NR2F1-AS1: variants seen among roughly 807,000 people sequenced by gnomAD.
The protein encoded by NR2F1-AS1 is NR2F1 regulatory antisense RNA 1.
At chr5:93,420,293 A>T (rs557303661) in intron 4 of NR2F1-AS1, among the ~76,000 whole-genome samples, 1 of 152,326 alleles carries the variant, frequency 6.6e-6, no homozygotes, top group East Asian at 1.9e-4. Context: ...CTTGGTAGGC[A>T]GGCCCTTCTC....
chr5:93,533,073 C>T (rs1751767021), intron 4 of NR2F1-AS1, among the ~76,000 whole-genome samples: 1 of 152,128 alleles, frequency 6.6e-6, no homozygotes, highest in East Asian at 1.9e-4. Flanking sequence ...TCAGACGTTA[C>T]CTTACATTAG....
At chr5:93,422,617 T>A (rs1749112013) in intron 4 of NR2F1-AS1, among the ~76,000 whole-genome samples, 1 of 152,250 alleles carries the variant, frequency 6.6e-6, no homozygotes, top group African/African-American at 2.4e-5. Flanking sequence ...ATCCATTTTA[T>A]CATTTTTAAT....
chr5:93,562,067 G>A (rs1223788159), intron 2 of NR2F1-AS1, among the ~76,000 whole-genome samples: 1 of 150,584 alleles, frequency 6.6e-6, no homozygotes, highest in Non-Finnish European at 1.5e-5. Flanking sequence ...AGCAAACATG[G>A]CTGGGTGTTA....
intron 4 of NR2F1-AS1, among the ~76,000 whole-genome samples, chr5:93,534,015 G>A (rs780710183): frequency 2.6e-5 from 4 of 152,094 alleles, no homozygotes; most frequent in African/African-American, 4.8e-5. Flanking sequence ...CCCAGGAGGC[G>A]GAGCTGTAGT....
At chr5:93,535,646 G>T (rs1751823288) in intron 4 of NR2F1-AS1, among the ~76,000 whole-genome samples, 1 of 152,054 alleles carries the variant, frequency 6.6e-6, no homozygotes, top group Non-Finnish European at 1.5e-5. Context: ...ACATTAAAAA[G>T]ATCATTCATT....
intron 4 of NR2F1-AS1, among the ~76,000 whole-genome samples, chr5:93,541,540 ACTGCT>A (rs1355901839): frequency 6.6e-6 from 1 of 152,094 alleles, no homozygotes; most frequent in African/African-American, 2.4e-5. Flanking sequence ...TCAGTTTCTT[ACTGCT>A]TGGTTGGTAT....
upstream of NR2F1-AS1, among the ~76,000 whole-genome samples, chr5:93,582,046 CCT>C (rs921052249): frequency 3.6e-5 from 5 of 139,128 alleles, no homozygotes; most frequent in Non-Finnish European, 7.7e-5. Flanking sequence ...TCTCCTCTCT[CCT>C]CTCTTTCCTT....
intron 4 of NR2F1-AS1, among the ~76,000 whole-genome samples, chr5:93,486,213 T>C (rs1330295543): frequency 1.3e-5 from 2 of 149,966 alleles, no homozygotes; most frequent in Admixed American, 6.7e-5. Context: ...TGTATACATA[T>C]GTAACTAACC....
chr5:93,550,882 T>C (rs1012967011), intron 4 of NR2F1-AS1, among the ~76,000 whole-genome samples: 9 of 152,162 alleles, frequency 5.9e-5, no homozygotes, highest in African/African-American at 2.2e-4. Flanking sequence ...ACTTTGATAA[T>C]GTCTAGTTAG....
chr5:93,494,019 T>C (rs1750906764), intron 4 of NR2F1-AS1, among the ~76,000 whole-genome samples: 2 of 152,136 alleles, frequency 1.3e-5, no homozygotes, highest in Admixed American at 6.6e-5. Flanking sequence ...ATTAAAATAT[T>C]TGTGTATCAA....
chr5:93,438,960 T>A (rs1189344772), intron 4 of NR2F1-AS1, among the ~76,000 whole-genome samples: 1 of 152,222 alleles, frequency 6.6e-6, no homozygotes, highest in Non-Finnish European at 1.5e-5. Context: ...ACTACCTCAA[T>A]TGTAATAATC....
At chr5:93,582,589 G>A (rs1334653655), upstream of NR2F1-AS1, among the ~76,000 whole-genome samples, 2 of 152,096 alleles carry the variant, frequency 1.3e-5, no homozygotes, top group Non-Finnish European at 2.9e-5. Flanking sequence ...TAAAATGGTG[G>A]GGGTTTCATT....
At chr5:93,584,261 T>C (rs1304828118), upstream of NR2F1-AS1, 9 of 148,248 alleles carry the variant, frequency 6.1e-5, no homozygotes, top group South Asian at 1.7e-3. Flanking sequence ...CCAGCGGCGC[T>C]CGCCGCAGCA....
chr5:93,418,092 T>G (rs1469199105), intron 4 of NR2F1-AS1, among the ~76,000 whole-genome samples: 3 of 152,154 alleles, frequency 2.0e-5, no homozygotes, highest in Admixed American at 6.5e-5. Context: ...AGGTAAAGGA[T>G]AGCCAACTAT....
chr5:93,576,253 G>C (rs1448518955), intron 1 of NR2F1-AS1, among the ~76,000 whole-genome samples: 3 of 152,062 alleles, frequency 2.0e-5, no homozygotes, highest in Non-Finnish European at 4.4e-5. Flanking sequence ...ATAAAACATA[G>C]AACGATCCCC....
chr5:93,478,022 G>GC, intron 4 of NR2F1-AS1, among the ~76,000 whole-genome samples: 1 of 152,132 alleles, frequency 6.6e-6, no homozygotes, highest in Admixed American at 6.5e-5. Context: ...TGCAATAACA[G>GC]CATGTACTCA....
chr5:93,549,662 TGACTGAATTTTGTGCAGGATTCTCAA>T (rs1458977029), intron 4 of NR2F1-AS1, among the ~76,000 whole-genome samples: 2 of 152,162 alleles, frequency 1.3e-5, no homozygotes, highest in Admixed American at 6.6e-5. Flanking sequence ...ACTAAGGGAA[TGACTGAATTTTGTGCAGGATTCTCAA>T]GACTGAATTT....
chr5:93,523,994 C>T (rs902124578), intron 4 of NR2F1-AS1, among the ~76,000 whole-genome samples: 20 of 151,968 alleles, frequency 1.3e-4, no homozygotes, highest in Admixed American at 1.1e-3. Context: ...CAAAACTGGA[C>T]AGAGAATGAG....
chr5:93,487,969 T>C (rs1002207163), intron 4 of NR2F1-AS1, among the ~76,000 whole-genome samples: 6 of 151,842 alleles, frequency 4.0e-5, no homozygotes, highest in African/African-American at 1.2e-4. Context: ...TTTGACAAGG[T>C]TGACAAAAAC....
Sources: allele counts gnomAD v4.1 joint callset (sites outside exome capture counted in the v4.1 genomes callset), GRCh38; gene constraint gnomAD v4.1.1; transcripts MANE v1.5; gene names NCBI Gene and HGNC (gene_info 2026-07-23, HGNC 2026-07-21).